The following HNRNPH3 variants were observed in gnomAD, a reference collection of about 807,000 sequenced individuals.
HNRNPH3 encodes the protein heterogeneous nuclear ribonucleoprotein 2H9.
A neutral mutation model predicts 47.0 loss-of-function variants in HNRNPH3; 7 were observed. That is an observed-to-expected ratio of 0.15 (90% CI 0.08 to 0.28). The LOEUF (loss-of-function observed/expected upper bound fraction) is 0.28, where lower values mean the gene tolerates loss of function less well. Ranked by LOEUF, HNRNPH3 falls within the 10% of genes least tolerant of loss-of-function variation. HNRNPH3 has a pLI of 1.00. For missense variants in HNRNPH3, 279 were observed against 449.6 expected, an observed-to-expected ratio of 0.62 and a Z score of 3.43; for synonymous variants, 120 against 143.2, an observed-to-expected ratio of 0.84 and a Z score of 1.16.
At chr10:68,336,548 G>A (rs891514721) in intron 1 of HNRNPH3, among the ~76,000 whole-genome samples, 2 of 152,094 alleles carry the variant, frequency 1.3e-5, no homozygotes, top group Non-Finnish European at 2.9e-5. Flanking sequence ...ACTTTTGAGT[G>A]GCCTTTGACC....
Position 68,342,083 on chromosome 10 carries a change from A to G in HNRNPH3, c.*29A>G. 6.5e-7 allele frequency: 1 copy of G among 1,538,238 alleles called. No homozygotes were observed. The highest frequency in any genetic ancestry group is 9.0e-7 in the Non-Finnish European group (1 of 1,116,986). On this transcript the variant is annotated 3_prime_UTR_variant, in exon 10 of 10. Transcript: ENST00000265866. ...CAAAAACACCAACATACAAGTCTTGACAACAGCATCTGGTCTACTAGACTT... is the reference window on the plus strand; with the variant it reads ...CAAAAACACCAACATACAAGTCTTGGCAACAGCATCTGGTCTACTAGACTT...
rs776286046 is a variant in HNRNPH3 at position 68,341,962 on chromosome 10, A to C, written c.965-16A>C. 1 of 1,613,108 alleles carries C rather than the reference A, an allele frequency of 6.2e-7. No individual in the cohort carries two copies. On this transcript the variant is annotated splice_polypyrimidine_tract_variant and intron_variant, in intron 9 of 9. Transcript: ENST00000265866. The stretch of plus-strand genomic sequence containing the variant: ...GATATCTCCTGCTGAGTGATTCTTA[A>C]TATCTTTTTCTTAAGGCCGTGGTGG...
chr10:68,336,592 A>G (rs1430776096), intron 1 of HNRNPH3, among the ~76,000 whole-genome samples: 1 of 152,148 alleles, frequency 6.6e-6, no homozygotes, highest in Non-Finnish European at 1.5e-5. Context: ...GTCATTTTAT[A>G]ATCTTGCTCT....
At chr10:68,339,278 C>T (rs763045614) in intron 5 of HNRNPH3, 52 bp downstream of exon 5, 13 of 1,582,430 alleles carry the variant, frequency 8.2e-6, no homozygotes, top group South Asian at 1.1e-5. Flanking sequence ...TTAGTATTTG[C>T]TTTGCAAGCT....
At position 68,341,643 on chromosome 10, in the gene HNRNPH3, A is replaced by C; in HGVS notation, c.834A>C (p.Gly278=). 2 of 1,613,480 alleles carry C rather than the reference A, an allele frequency of 1.2e-6. No homozygotes were observed. The highest frequency in any genetic ancestry group is 1.7e-6 in the Non-Finnish European group (2 of 1,179,606). ...CTCCTGGAGGCGGCTCTGGCATGGGAGGTTCTGGAATGGGAGGCTACGGAA... is the reference window on the plus strand; with the variant it reads ...CTCCTGGAGGCGGCTCTGGCATGGGCGGTTCTGGAATGGGAGGCTACGGAA... ...NSTPGGGSGM[G]GSGMGGYGRD... Residue 278 remains glycine (G), a synonymous_variant, in exon 8 of 10, where the codon GGA becomes GGC. Coordinates refer to ENST00000265866, the MANE Select transcript of HNRNPH3 (RefSeq NM_012207.3).
At chr10:68,338,708 A>G in intron 4 of HNRNPH3, 21 bp downstream of exon 4, 1 of 1,527,396 alleles carries the variant, frequency 6.5e-7, no homozygotes. Flanking sequence ...CTAATGAACA[A>G]AGGTTCTGTT....
In HNRNPH3 at chr10:68,341,754, T is replaced by C; in HGVS notation, c.872-5T>C. 3.1e-6 allele frequency: 5 copies of C among 1,596,452 alleles called. No individual in the cohort carries two copies. Among genetic ancestry groups the C allele is most frequent in the Non-Finnish European group, 4.3e-6 (5 of 1,173,828 alleles). The stretch of plus-strand genomic sequence containing the variant: ...CTCAATTTTTTTTCTTTTTTCTTTT[T>C]AAAGATAATCAGGGAGGCTATGGAT... On this transcript the variant is annotated splice_polypyrimidine_tract_variant and splice_region_variant and intron_variant, in intron 8 of 9. Transcript: ENST00000265866.
rs200158811 is a variant in HNRNPH3, at chr10:68,338,804, C to G, written c.436+117C>G. ...TACCTATTAGGTTTTAAAACCTGTTCATGAAAATACGGATTCCCATGGCTA... is the reference window on the plus strand; with the variant it reads ...TACCTATTAGGTTTTAAAACCTGTTGATGAAAATACGGATTCCCATGGCTA... On this transcript the variant is annotated intron_variant, in intron 4 of 9. Transcript: ENST00000265866. 2.2e-4 allele frequency: 167 copies of G among 775,464 alleles called. 2 individuals are homozygous for G. The East Asian group carries it at 4.6e-3, about 22-fold the overall frequency. The allele number at this position is 775,464 out of a possible 1,614,324, so 48.0% of individuals were successfully genotyped here. A position where few individuals can be genotyped will look rare whatever the true frequency, so the allele number is the denominator to read the frequency against.
rs148917531 is a variant in HNRNPH3 at position 68,337,060 on chromosome 10, A to G, written c.-23-139A>G. The stretch of plus-strand genomic sequence containing the variant: ...CCCAAAATATGAAAGGTGGTCTACA[A>G]TTTTGTTGTGGCATTGTCACAGCAG... On this transcript the variant is annotated intron_variant, in intron 1 of 9. Transcript: ENST00000265866. The surrounding 1 kb of genome is among the most constrained non-coding windows in gnomAD (Gnocchi z 4.5). 114 of 503,548 alleles carry G rather than the reference A, an allele frequency of 2.3e-4. No homozygotes were observed. Among genetic ancestry groups the G allele is most frequent in the African/African-American group, 1.4e-3 (73 of 50,694 alleles). The allele number at this position is 503,548 out of a possible 1,614,324, so 31.2% of individuals were successfully genotyped here. A position where few individuals can be genotyped will look rare whatever the true frequency, so the allele number is the denominator to read the frequency against.
rs765681715 is a variant in HNRNPH3 at position 68,341,845 on chromosome 10, G to A, written c.958G>A (p.Gly320Ser). The change falls in exon 9 of 10, where the codon GGT becomes AGT. Residue 320 changes from glycine to serine, a missense_variant. Transcript: ENST00000265866. ...GGYGTPDGLG[G>S]YGRGGGGSGG... Reference sequence around the variant, plus strand: ...ATATGGTACTCCTGATGGTTTGGGTGGTTATGGTAAGTATCTCTAGTTCAG... The same window carrying A: ...ATATGGTACTCCTGATGGTTTGGGTAGTTATGGTAAGTATCTCTAGTTCAG... The A allele has an allele frequency of 3.1e-6, 5 of 1,610,084 alleles. No homozygotes were observed. Among genetic ancestry groups the A allele is most frequent in the Non-Finnish European group, 4.2e-6 (5 of 1,177,308 alleles).
chr10:68,337,149 CAA>C lies in HNRNPH3; in HGVS notation c.-23-49_-23-48del, dbSNP rs750878308. The C allele has an allele frequency of 8.0e-6, 7 of 872,572 alleles. No individual in the cohort carries two copies. Among genetic ancestry groups the C allele is most frequent in the South Asian group, 6.0e-5 (4 of 66,280 alleles). 54.1% of individuals were successfully genotyped at this position (872,572 alleles called of 1,614,324 possible). Reference sequence around the variant, plus strand: ...GAGGTGTTTCTTCATTACCTCTTGACAAGAGTATATTTTGATTGACTGCTCTA... The same window carrying C: ...GAGGTGTTTCTTCATTACCTCTTGACGAGTATATTTTGATTGACTGCTCTA... On this transcript the variant is annotated intron_variant, in intron 1 of 9. Transcript: ENST00000265866. This position sits in a 1 kb window ranked among gnomAD's most constrained non-coding sequence, Gnocchi z 4.5.
intron 1 of HNRNPH3, among the ~76,000 whole-genome samples, chr10:68,333,434 C>A (rs1241376684): frequency 7.9e-6 from 1 of 126,862 alleles, no homozygotes; most frequent in Non-Finnish European, 1.6e-5. Flanking sequence ...GTTAAATCTT[C>A]CAAGAGTTGT....
rs2046011631 is a variant in HNRNPH3, at chr10:68,342,240, C to T, written c.*186C>T. ...TTTCTGTAGGTTTATTTGTTGCATA[C>T]TTTGACTTAAAAATAAATTTTTATA... On this transcript the variant is annotated 3_prime_UTR_variant, in exon 10 of 10. Transcript: ENST00000265866. 1 of 503,020 alleles carries T rather than the reference C, an allele frequency of 2.0e-6. No homozygotes were observed. The highest frequency in any genetic ancestry group is 3.5e-5 in the South Asian group (1 of 28,716). The allele number at this position is 503,020 out of a possible 1,614,324, so 31.2% of individuals were successfully genotyped here.
chr10:68,335,029 G>C (rs1157273305), intron 1 of HNRNPH3, among the ~76,000 whole-genome samples: 40 of 152,092 alleles, frequency 2.6e-4, no homozygotes, highest in Admixed American at 2.6e-3. Flanking sequence ...AATAGATTAA[G>C]TGTTCCGAGT....
At chr10:68,341,099 G>A in intron 6 of HNRNPH3, 75 bp from the exon 7 acceptor site, 2 of 1,076,202 alleles carry the variant, frequency 1.9e-6, no homozygotes, top group South Asian at 1.6e-5. Flanking sequence ...TAATTGATGA[G>A]GAAAAATCAA....
chr10:68,340,778 T>TA (rs1407521228), intron 6 of HNRNPH3, among the ~76,000 whole-genome samples: 3 of 151,052 alleles, frequency 2.0e-5, no homozygotes, highest in Non-Finnish European at 4.4e-5. Flanking sequence ...CAAATCATGA[T>TA]ATCCCGTATT....
At position 68,341,986 on chromosome 10, in the gene HNRNPH3, G is replaced by A. The variant is rs766648538; in HGVS notation, c.973G>A (p.Gly325Ser). ...AATATCTTTTTCTTAAGGCCGTGGTGGTGGAGGCAGTGGAGGTTACTATGG... is the reference window on the plus strand; with the variant it reads ...AATATCTTTTTCTTAAGGCCGTGGTAGTGGAGGCAGTGGAGGTTACTATGG... The part of the protein sequence containing the change: ...PDGLGGYGRG[G>S]GGSGGYYGQG... The change falls in exon 10 of 10, where the codon GGT becomes AGT. Residue 325 changes from glycine to serine, a missense_variant. Around this residue, in one of 2 missense-constraint regions of HNRNPH3, gnomAD observed 239 missense variants for 335.8 expected, o/e 0.71. Transcript: ENST00000265866. 2.0e-5 allele frequency: 32 copies of A among 1,613,856 alleles called. No individual in the cohort carries two copies. Among genetic ancestry groups the A allele is most frequent in the Non-Finnish European group, 2.5e-5 (29 of 1,179,922 alleles).
chr10:68,335,294 T>C (rs1015665432), intron 1 of HNRNPH3, among the ~76,000 whole-genome samples: 2 of 151,462 alleles, frequency 1.3e-5, no homozygotes, highest in African/African-American at 4.9e-5. Flanking sequence ...TAAGATCCTC[T>C]CACAACAGAT....
chr10:68,331,897 C>G (rs773716848), upstream of HNRNPH3: 2 of 152,360 alleles, frequency 1.3e-5, no homozygotes, highest in Non-Finnish European at 2.9e-5. Flanking sequence ...TCTGCTCGGT[C>G]TACCTCGCCC....
Sources: gnomAD v4.1 joint callset for allele counts (sites outside exome capture counted in the v4.1 genomes callset) on GRCh38, gnomAD v4.1.1 for gene constraint, gnomAD v4.1.1 regional missense constraint, Gnocchi (gnomAD v3.1) non-coding constraint, MANE v1.5 for transcripts, NCBI Gene and HGNC (gene_info 2026-07-23, HGNC 2026-07-21) for gene names.